Variants in SIL1 observed in about 807,000 individuals in gnomAD.
SIL1 encodes the protein SIL1 nucleotide exchange factor.
Under a neutral mutation model 49.1 loss-of-function variants are expected in SIL1, and 40 were observed. That is an observed-to-expected ratio of 0.81 (90% confidence interval 0.63 to 1.06). The LOEUF (loss-of-function observed/expected upper bound fraction) is 1.06. Among genes scored for constraint, SIL1 ranks in the 50% least tolerant of loss-of-function variants. The pLI is 0.00. For synonymous variants in SIL1, 253 were observed against 250.8 expected (o/e 1.01, Z -0.08); for missense variants, 500 against 572.6 (o/e 0.87, Z 1.29).
chr5:139,070,191 A>T (rs1340233266), intron 3 of SIL1, among the ~76,000 whole-genome samples: 1 of 152,216 alleles, frequency 6.6e-6, no homozygotes, highest in Non-Finnish European at 1.5e-5. Flanking sequence ...CATATCAGGG[A>T]TAGTATTACT....
chr5:139,180,114 A>G (rs1358503989), intron 1 of SIL1, among the ~76,000 whole-genome samples: 1 of 150,220 alleles, frequency 6.7e-6, no homozygotes. Context: ...TTGTAATCCC[A>G]GCACTTTGGG....
chr5:138,968,885 G>A (rs1039979124), intron 7 of SIL1, among the ~76,000 whole-genome samples: 1 of 152,108 alleles, frequency 6.6e-6, no homozygotes, highest in Non-Finnish European at 1.5e-5. Context: ...CCCATTCCAA[G>A]AGCTCACGGA....
rs767153408 is a variant in SIL1, at chr5:138,951,265, C to T, written c.935G>A (p.Gly312Glu). ...CACCAGGGTCCTCAGGACCTGCAGCCCCCCGAGCTTCAGGAACTGCCGCTG... is the reference window on the plus strand; with the variant it reads ...CACCAGGGTCCTCAGGACCTGCAGCTCCCCGAGCTTCAGGAACTGCCGCTG... The part of the protein sequence containing the change: ...YAQRQFLKLG[G>E]LQVLRTLVQE... The change falls in exon 9 of 10, where the codon GGG becomes GAG. Residue 312 changes from glycine (G) to glutamate (E), a missense_variant. Coordinates refer to ENST00000394817, the MANE Select transcript of SIL1 (RefSeq NM_022464.5). 1.3e-6 allele frequency: 2 copies of T among 1,586,652 alleles called. No individual in the cohort carries two copies. Among genetic ancestry groups the T allele is most frequent in the Non-Finnish European group, 1.7e-6 (2 of 1,165,814 alleles).
At chr5:139,111,492 C>A (rs916147048) in intron 3 of SIL1, among the ~76,000 whole-genome samples, 2 of 152,160 alleles carry the variant, frequency 1.3e-5, no homozygotes, top group South Asian at 4.2e-4. Context: ...CTCAGGGAAG[C>A]CTTTCCTTCA....
chr5:139,063,313 C>G (rs945787722), intron 3 of SIL1, among the ~76,000 whole-genome samples: 1 of 152,194 alleles, frequency 6.6e-6, no homozygotes, highest in Non-Finnish European at 1.5e-5. Flanking sequence ...GGGGGCCTAC[C>G]ACAGCCCCCA....
intron 1 of SIL1, among the ~76,000 whole-genome samples, chr5:139,170,874 C>A (rs1199784603): frequency 6.7e-6 from 1 of 149,420 alleles, no homozygotes; most frequent in African/African-American, 2.5e-5. Flanking sequence ...AGGTGAGGGG[C>A]GCCTCTGCCC....
At chr5:138,968,268 C>G (rs1290527336) in intron 7 of SIL1, among the ~76,000 whole-genome samples, 1 of 152,102 alleles carries the variant, frequency 6.6e-6, no homozygotes, top group Non-Finnish European at 1.5e-5. Flanking sequence ...CAGGTCCTCC[C>G]CTGGCCCCTG....
intron 3 of SIL1, 21 bp from the exon 4 acceptor site, chr5:139,051,067 A>G: frequency 6.2e-7 from 1 of 1,610,156 alleles, no homozygotes; most frequent in Non-Finnish European, 8.5e-7. Context: ...AGAAGAGAAA[A>G]GGCTCATGAG....
At chr5:139,197,162 G>A (rs1752290215) in intron 1 of SIL1, among the ~76,000 whole-genome samples, 1 of 151,732 alleles carries the variant, frequency 6.6e-6, no homozygotes, top group Non-Finnish European at 1.5e-5. Context: ...CTGCTAATCG[G>A]GAAGGTGAGG....
intron 7 of SIL1, chr5:139,013,801 A>G (rs1030399698): frequency 3.9e-5 from 6 of 152,170 alleles, no homozygotes; most frequent in Admixed American, 6.6e-5. Flanking sequence ...ATCACTCACT[A>G]TTTAAATGTT....
chr5:139,032,575 A>C (rs1293134799), intron 5 of SIL1, among the ~76,000 whole-genome samples: 3 of 152,206 alleles, frequency 2.0e-5, no homozygotes, highest in Admixed American at 2.0e-4. Context: ...CTGGCCTCAT[A>C]AAGTAAGTTG....
At chr5:139,035,642 CTTTT>C (rs759319838) in intron 5 of SIL1, 687 of 158,868 alleles carry the variant, frequency 4.3e-3, no homozygotes, top group South Asian at 9.9e-3. Context: ...AGGTATACAA[CTTTT>C]TTTTTTTTTT....
At chr5:139,195,860 G>A (rs1180701665) in intron 1 of SIL1, among the ~76,000 whole-genome samples, 1 of 152,242 alleles carries the variant, frequency 6.6e-6, no homozygotes, top group Non-Finnish European at 1.5e-5. Context: ...CAAGGCAGGT[G>A]ACAAGGTTGC....
chr5:139,091,157 C>T (rs1317393406), intron 3 of SIL1, among the ~76,000 whole-genome samples: 1 of 152,040 alleles, frequency 6.6e-6, no homozygotes, highest in Non-Finnish European at 1.5e-5. Flanking sequence ...AAGTAAATAA[C>T]TTTCCTAATT....
At chr5:138,972,845 A>G (rs778301465) in intron 7 of SIL1, among the ~76,000 whole-genome samples, 25 of 152,244 alleles carry the variant, frequency 1.6e-4, no homozygotes, top group Non-Finnish European at 3.2e-4. Context: ...TGTGGGTAAC[A>G]TGAGGGTAAA....
At chr5:139,185,113 G>C (rs1752056122) in intron 1 of SIL1, among the ~76,000 whole-genome samples, 1 of 152,174 alleles carries the variant, frequency 6.6e-6, no homozygotes. Flanking sequence ...CCCCATGTCT[G>C]TGTGGGTTTT....
At chr5:139,155,796 G>T (rs985637427) in intron 1 of SIL1, among the ~76,000 whole-genome samples, 1 of 152,128 alleles carries the variant, frequency 6.6e-6, no homozygotes, top group African/African-American at 2.4e-5. Flanking sequence ...GGGCACAGGA[G>T]GCCAAGGCAG....
At chr5:139,161,568 C>A (rs1275349078) in intron 1 of SIL1, among the ~76,000 whole-genome samples, 2 of 152,248 alleles carry the variant, frequency 1.3e-5, no homozygotes, top group African/African-American at 4.8e-5. Context: ...TAGACACTCT[C>A]TCTTTCTCAT....
At chr5:139,096,453 T>A (rs941558538) in intron 3 of SIL1, among the ~76,000 whole-genome samples, 3 of 151,722 alleles carry the variant, frequency 2.0e-5, no homozygotes, top group African/African-American at 7.3e-5. Flanking sequence ...GGAAACACAA[T>A]CTCCTAAGAC....
Sources: allele counts gnomAD v4.1 joint callset (sites outside exome capture counted in the v4.1 genomes callset), GRCh38; gene constraint gnomAD v4.1.1; transcripts MANE v1.5; gene names NCBI Gene and HGNC (gene_info 2026-07-23, HGNC 2026-07-21).